The following PKNOX1 variants were observed in gnomAD, a reference collection of about 807,000 sequenced individuals.
The protein encoded by PKNOX1 is PBX/knotted 1 homeobox 1.
Under a neutral mutation model 51.9 loss-of-function variants are expected in PKNOX1, and 15 were observed. The ratio of observed to expected loss-of-function variants is 0.29; its 90% confidence interval spans 0.19 to 0.45. The LOEUF (loss-of-function observed/expected upper bound fraction) is 0.45, where lower values mean the gene tolerates loss of function less well. Among genes scored for constraint, PKNOX1 ranks in the 20% least tolerant of loss-of-function variants. The probability of loss-of-function intolerance (pLI) is 1.00; values close to 1 mark genes in which losing one functional copy is unlikely to be tolerated. For missense variants in PKNOX1, 462 were observed against 547.5 expected (o/e 0.84, Z 1.56); for synonymous variants, 219 against 211.1 (o/e 1.04, Z -0.32).
In PKNOX1 at chr21:43,024,421, G is replaced by A. The variant is rs568855836; in HGVS notation, c.850-450G>A. ...TATTATAGAATGGACCAAGGTAATTGAAATGTGCTGTGTATTGCTTGTGGC... is the reference window on the plus strand; with the variant it reads ...TATTATAGAATGGACCAAGGTAATTAAAATGTGCTGTGTATTGCTTGTGGC... On this transcript the variant is annotated intron_variant, in intron 8 of 10. Transcript: ENST00000291547. The A allele has an allele frequency of 3.3e-4, 51 of 153,730 alleles. 1 individual carries two copies. In the South Asian group the frequency reaches 0.01, roughly 30 times the overall value. The allele number at this position is 153,730 out of a possible 1,614,324, so 9.5% of individuals were successfully genotyped here. A position where few individuals can be genotyped will look rare whatever the true frequency, so the allele number is the denominator to read the frequency against.
intron 1 of PKNOX1, among the ~76,000 whole-genome samples, chr21:43,003,173 G>A (rs1978837562): frequency 6.6e-6 from 1 of 152,186 alleles, no homozygotes; most frequent in Non-Finnish European, 1.5e-5. Context: ...TGGCACAACT[G>A]CCCTTGACCT....
At position 43,017,116 on chromosome 21, in the gene PKNOX1, T is replaced by C. The variant is rs1159445683; in HGVS notation, c.622+109T>C. The C allele has an allele frequency of 3.1e-5, 21 of 675,672 alleles. No individual in the cohort carries two copies. In the East Asian group the frequency reaches 5.3e-4, roughly 17 times the overall value. 41.9% of individuals were successfully genotyped at this position (675,672 alleles called of 1,614,324 possible). ...ATTTCAAGTTCATGCCATTTTCTAA[T>C]ATAGCAATGTTAGAAGCTAGAGGTC... On this transcript the variant is annotated intron_variant, in intron 6 of 10. Transcript: ENST00000291547.
chr21:42,977,776 C>T (rs13050289), intron 1 of PKNOX1, among the ~76,000 whole-genome samples: 5,773 of 151,992 alleles, frequency 0.038, 139 homozygotes, highest in Middle Eastern at 0.061. Flanking sequence ...GACTTCTGAC[C>T]TCAGGTGATC....
intron 1 of PKNOX1, among the ~76,000 whole-genome samples, chr21:42,989,524 C>T (rs1231388762): frequency 3.9e-5 from 6 of 152,124 alleles, no homozygotes; most frequent in Non-Finnish European, 8.8e-5. Flanking sequence ...TCAAGTGATT[C>T]TCTCAAGTCT....
chr21:42,980,655 T>TAG (rs2059021544), intron 1 of PKNOX1, among the ~76,000 whole-genome samples: 1 of 152,326 alleles, frequency 6.6e-6, no homozygotes, highest in East Asian at 1.9e-4. Flanking sequence ...TATTTTGAAA[T>TAG]ACAGTTATTA....
intron 1 of PKNOX1, among the ~76,000 whole-genome samples, chr21:42,984,702 G>T (rs1464433529): frequency 6.6e-6 from 1 of 151,548 alleles, no homozygotes; most frequent in Non-Finnish European, 1.5e-5. Context: ...CCAGTTTTTT[G>T]TATTATTTTA....
At chr21:42,975,145 GC>G (rs1015526006) in intron 1 of PKNOX1, among the ~76,000 whole-genome samples, 1 of 145,552 alleles carries the variant, frequency 6.9e-6, no homozygotes, top group Non-Finnish European at 1.5e-5. Flanking sequence ...CGCGCGTGGG[GC>G]CGGTCGGGTC....
chr21:43,003,553 G>A (rs1317202817), intron 1 of PKNOX1, among the ~76,000 whole-genome samples: 3 of 152,128 alleles, frequency 2.0e-5, no homozygotes, highest in Non-Finnish European at 4.4e-5. Context: ...CAGTCTCGAC[G>A]TAACAGCATC....
At chr21:42,980,101 G>A (rs557009220) in intron 1 of PKNOX1, among the ~76,000 whole-genome samples, 18 of 152,134 alleles carry the variant, frequency 1.2e-4, no homozygotes, top group African/African-American at 3.4e-4. Flanking sequence ...GGCCAGGTGC[G>A]GTGGCTCACA....
At chr21:42,979,722 A>G (rs1344349990) in intron 1 of PKNOX1, among the ~76,000 whole-genome samples, 1 of 152,144 alleles carries the variant, frequency 6.6e-6, no homozygotes, top group East Asian at 1.9e-4. Context: ...AGCCTGGGTG[A>G]CACAGCGAGA....
intron 5 of PKNOX1, among the ~76,000 whole-genome samples, chr21:43,016,090 C>T (rs934778549): frequency 2.0e-5 from 3 of 152,184 alleles, no homozygotes; most frequent in East Asian, 1.9e-4. Context: ...TTACACATTC[C>T]GCTCGATGAT....
At chr21:42,989,802 A>G (rs981851530) in intron 1 of PKNOX1, among the ~76,000 whole-genome samples, 39 of 152,288 alleles carry the variant, frequency 2.6e-4, no homozygotes, top group African/African-American at 9.1e-4. Context: ...ATTTACAGGC[A>G]TAGTTAATAA....
intron 1 of PKNOX1, among the ~76,000 whole-genome samples, chr21:43,003,417 T>G (rs1163492068): frequency 6.6e-6 from 1 of 152,200 alleles, no homozygotes; most frequent in Admixed American, 6.5e-5. Context: ...CTGTCTTATG[T>G]GCGTGTGTAT....
intron 1 of PKNOX1, among the ~76,000 whole-genome samples, chr21:42,984,178 A>G (rs1217689701): frequency 6.6e-6 from 1 of 151,890 alleles, no homozygotes. Flanking sequence ...GTAATCCAGT[A>G]ATACTCCTGC....
intron 1 of PKNOX1, among the ~76,000 whole-genome samples, chr21:42,987,923 ATT>A (rs2059063959): frequency 6.6e-6 from 1 of 150,730 alleles, no homozygotes; most frequent in South Asian, 2.1e-4. Context: ...CGGCCTCTAC[ATT>A]TTTAAAGACC....
chr21:42,985,275 C>G (rs1056876820), intron 1 of PKNOX1, among the ~76,000 whole-genome samples: 12 of 152,218 alleles, frequency 7.9e-5, no homozygotes, highest in African/African-American at 2.2e-4. Context: ...GCGTGAGCCA[C>G]TGTGCCTGGC....
chr21:43,000,674 C>T (rs564435669), intron 1 of PKNOX1, among the ~76,000 whole-genome samples: 3 of 152,200 alleles, frequency 2.0e-5, no homozygotes, highest in African/African-American at 7.2e-5. Flanking sequence ...ATTGCTTGAG[C>T]CCAGGAATTC....
chr21:43,010,020 G>A lies in PKNOX1; in HGVS notation c.180-33G>A, dbSNP rs762707114. ...AGACATTCTCACGGAGATGTAGAAC[G>A]TAAATGGATTCTTTTTTTTCTTTTC... On this transcript the variant is annotated intron_variant, in intron 3 of 10. Coordinates refer to ENST00000291547, the MANE Select transcript of PKNOX1 (RefSeq NM_004571.5). 20 of 1,438,312 alleles carry A rather than the reference G, an allele frequency of 1.4e-5. No individual in the cohort carries two copies. The East Asian group carries it at 2.6e-4, about 19-fold the overall frequency. The allele number at this position is 1,438,312 out of a possible 1,614,324, so 89.1% of individuals were successfully genotyped here.
intron 2 of PKNOX1, among the ~76,000 whole-genome samples, chr21:43,005,951 A>G (rs1978970303): frequency 1.3e-5 from 2 of 152,170 alleles, no homozygotes; most frequent in Admixed American, 6.5e-5. Flanking sequence ...GAAGTGTTTA[A>G]TCAGCATTAT....
Sources: allele counts gnomAD v4.1 joint callset (sites outside exome capture counted in the v4.1 genomes callset), GRCh38; gene constraint gnomAD v4.1.1; transcripts MANE v1.5; gene names NCBI Gene and HGNC (gene_info 2026-07-23, HGNC 2026-07-21).